THRB: variants seen among roughly 807,000 people sequenced by gnomAD.
THRB encodes the protein nuclear receptor subfamily 1 group A member 2.
THRB carries 12 observed loss-of-function variants against 47.8 expected under a neutral mutation model. That is an observed-to-expected ratio of 0.25 (90% CI 0.16 to 0.41). The LOEUF is 0.41. Among genes scored for constraint, THRB ranks in the 10% least tolerant of loss-of-function variants. THRB has a pLI of 1.00. For synonymous variants in THRB, 218 were observed against 212.2 expected (o/e 1.03, Z -0.24); for missense variants, 348 against 589.2 (o/e 0.59, Z 4.24).
At chr3:24,162,821 A>AT (rs1214983393) in intron 5 of THRB, among the ~76,000 whole-genome samples, 5 of 152,130 alleles carry the variant, frequency 3.3e-5, no homozygotes, top group South Asian at 2.1e-4. Context: ...TGTACCTATA[A>AT]TTTTTTTATA....
intron 10 of THRB, among the ~76,000 whole-genome samples, chr3:24,124,595 A>C (rs756228881): frequency 6.6e-6 from 1 of 152,246 alleles, no homozygotes; most frequent in Non-Finnish European, 1.5e-5. Flanking sequence ...TTATGAAGAG[A>C]GAAACATTTT....
At chr3:24,489,784 T>C (rs1178550542) in intron 1 of THRB, among the ~76,000 whole-genome samples, 1 of 152,198 alleles carries the variant, frequency 6.6e-6, no homozygotes, top group Admixed American at 6.5e-5. Context: ...GAGGAAGATA[T>C]GGAAATATAT....
At chr3:24,160,536 G>C (rs779379637) in intron 5 of THRB, among the ~76,000 whole-genome samples, 3 of 152,144 alleles carry the variant, frequency 2.0e-5, no homozygotes, top group Non-Finnish European at 4.4e-5. Flanking sequence ...AGAGAGCTGA[G>C]GAAATTCTCT....
chr3:24,297,941 A>G (rs62253755), intron 2 of THRB, among the ~76,000 whole-genome samples: 32,209 of 151,792 alleles, frequency 0.21, 3,506 homozygotes, highest in Non-Finnish European at 0.25. Flanking sequence ...TAAAAAATAC[A>G]TATTTCTAGG....
intron 1 of THRB, among the ~76,000 whole-genome samples, chr3:24,426,374 T>A (rs2069762996): frequency 1.3e-5 from 2 of 151,972 alleles, no homozygotes; most frequent in South Asian, 4.1e-4. Flanking sequence ...ACCCAGGACA[T>A]ACTCTGGAAA....
intron 3 of THRB, among the ~76,000 whole-genome samples, chr3:24,264,807 A>AC (rs1193037260): frequency 2.6e-5 from 4 of 151,770 alleles, no homozygotes; most frequent in South Asian, 2.1e-4. Flanking sequence ...AAAAAAAAAA[A>AC]ACTGGACTTT....
chr3:24,459,064 C>T (rs976274147), intron 1 of THRB: 2 of 152,050 alleles, frequency 1.3e-5, no homozygotes, highest in African/African-American at 4.8e-5. Context: ...ACCCATCAAC[C>T]TGTCACCTAC....
At chr3:24,265,638 T>C (rs1191652484) in intron 3 of THRB, among the ~76,000 whole-genome samples, 1 of 152,224 alleles carries the variant, frequency 6.6e-6, no homozygotes, top group Non-Finnish European at 1.5e-5. Context: ...TTAAAAAGTA[T>C]TACTAACATA....
intron 8 of THRB, among the ~76,000 whole-genome samples, chr3:24,134,932 G>A (rs1422005232): frequency 1.3e-5 from 2 of 152,186 alleles, no homozygotes; most frequent in Non-Finnish European, 2.9e-5. Context: ...GCAGAGCAGT[G>A]AGGACACTGC....
At chr3:24,375,323 A>G (rs1320333992) in intron 1 of THRB, among the ~76,000 whole-genome samples, 5 of 147,346 alleles carry the variant, frequency 3.4e-5, no homozygotes, top group Non-Finnish European at 7.5e-5. Context: ...TATTATATTT[A>G]GACATATATT....
intron 1 of THRB, among the ~76,000 whole-genome samples, chr3:24,421,367 A>T (rs1002094356): frequency 1.8e-4 from 27 of 151,910 alleles, no homozygotes; most frequent in African/African-American, 6.0e-4. Flanking sequence ...ACATTAAAAA[A>T]AAAAAACCTC....
At chr3:24,139,172 T>A (rs184490094) in intron 8 of THRB, among the ~76,000 whole-genome samples, 1 of 152,262 alleles carries the variant, frequency 6.6e-6, no homozygotes, top group African/African-American at 2.4e-5. Context: ...GAGATTTGAG[T>A]AGATTGGAGA....
In THRB at chr3:24,414,028, T is replaced by C. The variant is rs143476528; in HGVS notation, c.-260-76657A>G. Among the ~76,000 whole-genome samples the C allele has an allele frequency of 2.6e-3, 393 of 152,012 alleles. 4 individuals are homozygous for C. Among genetic ancestry groups the C allele is most frequent in the African/African-American group, 9.0e-3 (374 of 41,528 alleles). On this transcript the variant is annotated intron_variant, in intron 1 of 10. Transcript: ENST00000646209. ...TTTTAAAAATTGGACCTCCATAGTATATTTGCATTTTCAGTTATGTTTCAA... is the reference window on the plus strand; with the variant it reads ...TTTTAAAAATTGGACCTCCATAGTACATTTGCATTTTCAGTTATGTTTCAA...
chr3:24,437,984 ATC>A (rs2125362821), intron 1 of THRB, among the ~76,000 whole-genome samples: 1 of 151,724 alleles, frequency 6.6e-6, no homozygotes, highest in African/African-American at 2.4e-5. Flanking sequence ...TAGCTGAGTA[ATC>A]TCTCATGTTT....
intron 1 of THRB, among the ~76,000 whole-genome samples, chr3:24,448,529 T>C (rs1457382731): frequency 6.6e-6 from 1 of 152,206 alleles, no homozygotes; most frequent in Non-Finnish European, 1.5e-5. Flanking sequence ...TCCTGGTTTG[T>C]TCCATCGGCT....
At chr3:24,223,231 G>C (rs1464560005) in intron 4 of THRB, among the ~76,000 whole-genome samples, 1 of 152,144 alleles carries the variant, frequency 6.6e-6, no homozygotes, top group Non-Finnish European at 1.5e-5. Flanking sequence ...TGAGTGTTTG[G>C]TGCACAAAGG....
intron 4 of THRB, among the ~76,000 whole-genome samples, chr3:24,212,577 C>CAA (rs1199010853): frequency 0.33 from 27,337 of 83,760 alleles, 4,222 homozygotes; most frequent in Non-Finnish European, 0.38. Flanking sequence ...GACTCCGTCT[C>CAA]AAAAAAAAAA....
At chr3:24,245,239 GC>G (rs2049992042) in intron 3 of THRB, among the ~76,000 whole-genome samples, 1 of 138,398 alleles carries the variant, frequency 7.2e-6, no homozygotes, top group African/African-American at 2.5e-5. Context: ...TGAGAAACTT[GC>G]CCTTTGTGAC....
chr3:24,170,998 G>A (rs550924611), intron 5 of THRB, among the ~76,000 whole-genome samples: 6 of 152,276 alleles, frequency 3.9e-5, no homozygotes, highest in African/African-American at 9.6e-5. Context: ...CAGAGATAGA[G>A]CTGTTTATTA....
Sources: gnomAD v4.1 joint callset for allele counts (sites outside exome capture counted in the v4.1 genomes callset) on GRCh38, gnomAD v4.1.1 for gene constraint, MANE v1.5 for transcripts, NCBI Gene and HGNC (gene_info 2026-07-23, HGNC 2026-07-21) for gene names.